The following KIF15 variants were observed in gnomAD, a reference collection of about 807,000 sequenced individuals.
KIF15 encodes the protein kinesin family member 15.
A neutral mutation model predicts 190.6 loss-of-function variants in KIF15; 140 were observed. The ratio of observed to expected loss-of-function variants is 0.73; its 90% CI spans 0.64 to 0.84. The LOEUF is 0.84. Among genes scored for constraint, KIF15 ranks in the 40% least tolerant of loss-of-function variants. The pLI is 0.00. For synonymous variants in KIF15, 528 were observed against 551.3 expected (o/e 0.96, Z 0.59); for missense variants, 1,372 against 1,584.4 (o/e 0.87, Z 2.28).
At position 44,826,129 on chromosome 3, in the gene KIF15, A is replaced by C. The variant is rs1233999613; in HGVS notation, c.2640A>C (p.Gln880His). The C allele has an allele frequency of 6.3e-7, 1 of 1,587,702 alleles. No homozygotes were observed. The highest frequency in any genetic ancestry group is 8.5e-7 in the Non-Finnish European group (1 of 1,173,700). The part of the protein sequence containing the change: ...LQEIMKFEID[Q>H]LSRNLQNFKK... ...AAATAATGAAATTTGAGATTGACCA[A>C]CTTTCAAGAAACCTCCAAAACTTCA... The change falls in exon 21 of 35, where the codon CAA becomes CAC. Residue 880 changes from glutamine (Q) to histidine (H), a missense_variant. Coordinates refer to ENST00000326047, the MANE Select transcript of KIF15 (RefSeq NM_020242.3).
At chr3:44,801,565 G>A in intron 12 of KIF15, 39 bp downstream of exon 12, 1 of 1,353,112 alleles carries the variant, frequency 7.4e-7, no homozygotes, top group Non-Finnish European at 1.1e-6. Flanking sequence ...ATTCAAGATA[G>A]TTAGTTTTTT....
intron 3 of KIF15, among the ~76,000 whole-genome samples, chr3:44,776,042 T>C (rs1304949532): frequency 6.7e-6 from 1 of 149,280 alleles, no homozygotes; most frequent in East Asian, 2.0e-4. Flanking sequence ...ATCGCACCAC[T>C]GCACTCCAGA....
chr3:44,858,715 GGC>G (rs1235582526), intron 6 of KIF15, among the ~76,000 whole-genome samples: 1 of 152,210 alleles, frequency 6.6e-6, no homozygotes, highest in African/African-American at 2.4e-5. Flanking sequence ...TGTCCAAGTT[GGC>G]ACCAGAGTTG....
intron 30 of KIF15, among the ~76,000 whole-genome samples, chr3:44,844,176 C>T (rs1698739367): frequency 1.3e-5 from 2 of 152,184 alleles, no homozygotes; most frequent in Admixed American, 1.3e-4. Flanking sequence ...ACTCCTGCAG[C>T]TCCCTGGCCC....
chr3:44,768,044 C>T (rs529857834), intron 1 of KIF15, among the ~76,000 whole-genome samples: 3 of 151,632 alleles, frequency 2.0e-5, no homozygotes, highest in South Asian at 2.1e-4. Flanking sequence ...GGGAGGCCAA[C>T]GCGGGCAGAT....
At chr3:44,831,078 T>G in intron 26 of KIF15, 60 bp downstream of exon 26, 1 of 1,541,864 alleles carries the variant, frequency 6.5e-7, no homozygotes, top group Non-Finnish European at 8.8e-7. Context: ...TATGTGTATT[T>G]GTGTGTGGAA....
chr3:44,821,897 G>A (rs1236401038), intron 20 of KIF15, among the ~76,000 whole-genome samples: 4 of 152,192 alleles, frequency 2.6e-5, no homozygotes, highest in Middle Eastern at 3.4e-3. Context: ...CGAGGCTGGC[G>A]GATCACTCGC....
At chr3:44,800,078 G>A (rs1019288865) in intron 10 of KIF15, among the ~76,000 whole-genome samples, 2 of 152,130 alleles carry the variant, frequency 1.3e-5, no homozygotes, top group Admixed American at 6.6e-5. Flanking sequence ...TAGTCAGCTG[G>A]GGGGCAGAGA....
chr3:44,785,062 T>A (rs186377873), intron 6 of KIF15, 120 bp downstream of exon 6: 36 of 530,938 alleles, frequency 6.8e-5, no homozygotes, highest in African/African-American at 6.2e-4. Context: ...ATGAATAGAC[T>A]AGCGTGGCAT....
chr3:44,863,307 C>CG lies in KIF15; in HGVS notation c.*60-10022_*60-10021insG, dbSNP rs952125921. 10 of 108,998 alleles carry CG rather than the reference C, an allele frequency of 9.2e-5. 3 individuals are homozygous for CG. The South Asian group carries it at 2.4e-3, about 26-fold the overall frequency. The allele number at this position is 108,998 out of a possible 1,614,324, so 6.8% of individuals were successfully genotyped here. ...AGTATATTTAGATTCCGCACCCCCC[C>CG]CCCCCGCCGCCTTGTCTCCAGGCAG... On this transcript the variant is annotated intron_variant and NMD_transcript_variant, in intron 6 of 6. Transcript: ENST00000422209.
chr3:44,799,423 G>T, intron 10 of KIF15: 1 of 443,140 alleles, frequency 2.3e-6, no homozygotes, highest in South Asian at 1.6e-5. Context: ...GGCTGTCACA[G>T]GGTGTTTTTT....
Position 44,786,420 on chromosome 3 carries a change from G to C in KIF15, c.485G>C (p.Cys162Ser), listed in dbSNP as rs143787591. The change falls in exon 7 of 35, where the codon TGT becomes TCT. Residue 162 changes from cysteine (C) to serine (S), a missense_variant. Coordinates refer to ENST00000326047, the MANE Select transcript of KIF15 (RefSeq NM_020242.3). ...GCTGGAGCTGGAAAGAGTTTCCTTT[G>C]TAAGTGTTCCTTTATTGAAATCTAC... ...EKAGAGKSFLCKCSFIEIYNE... is the reference protein window; with the variant it reads ...EKAGAGKSFLSKCSFIEIYNE... The C allele has an allele frequency of 3.6e-4, 587 of 1,610,682 alleles. 1 individual carries two copies. In the African/African-American group the frequency reaches 7.2e-3, roughly 20 times the overall value.
chr3:44,768,229 G>C (rs1402352792), intron 1 of KIF15, among the ~76,000 whole-genome samples: 1 of 151,338 alleles, frequency 6.6e-6, no homozygotes, highest in African/African-American at 2.4e-5. Flanking sequence ...AGCCAAGATC[G>C]TGGCACTGCA....
At chr3:44,830,819 C>A (rs550523066) in intron 25 of KIF15, 77 bp from the exon 26 acceptor site, 9 of 1,457,624 alleles carry the variant, frequency 6.2e-6, no homozygotes, top group South Asian at 1.3e-5. Context: ...CACCTTGGAA[C>A]CCAGACTCAT....
intron 18 of KIF15, among the ~76,000 whole-genome samples, chr3:44,812,771 G>A (rs189961589): frequency 5.5e-4 from 84 of 152,274 alleles, no homozygotes; most frequent in South Asian, 4.1e-4. Flanking sequence ...GATCGTCTGA[G>A]GTCAAGAGAT....
chr3:44,767,112 C>T (rs1705426895), intron 1 of KIF15, among the ~76,000 whole-genome samples: 1 of 151,700 alleles, frequency 6.6e-6, no homozygotes, highest in South Asian at 2.1e-4. Context: ...GCCCGGCCAA[C>T]TTTCTTTTTT....
intron 22 of KIF15, among the ~76,000 whole-genome samples, chr3:44,826,675 G>A (rs754164045): frequency 9.2e-5 from 14 of 152,164 alleles, no homozygotes; most frequent in Non-Finnish European, 1.2e-4. Context: ...TAAATGAATA[G>A]CAATTGGTGG....
chr3:44,805,313 C>A, intron 15 of KIF15, 145 bp downstream of exon 15: 1 of 765,492 alleles, frequency 1.3e-6, no homozygotes, highest in African/African-American at 1.8e-5. Context: ...AGAGAAAGAG[C>A]ATGCTTCTAG....
chr3:44,812,976 C>CTCTG, intron 18 of KIF15, 99 bp from the exon 19 acceptor site: 1 of 699,682 alleles, frequency 1.4e-6, no homozygotes, highest in Non-Finnish European at 2.3e-6. Context: ...CAGAGCAAGA[C>CTCTG]TCTGTCTCAA....
Sources: allele counts gnomAD v4.1 joint callset (sites outside exome capture counted in the v4.1 genomes callset), GRCh38; gene constraint gnomAD v4.1.1; transcripts MANE v1.5; gene names NCBI Gene and HGNC (gene_info 2026-07-23, HGNC 2026-07-21).